TRHDE: variants seen among roughly 807,000 people sequenced by gnomAD.
The protein encoded by TRHDE is thyrotropin-releasing hormone-degrading ectoenzyme.
TRHDE carries 72 observed loss-of-function variants against 125.7 expected under a neutral mutation model. That is an observed-to-expected ratio of 0.57 (90% CI 0.47 to 0.70). The LOEUF (loss-of-function observed/expected upper bound fraction) is 0.70, where lower values mean the gene tolerates loss of function less well. TRHDE is among the 30% of genes least tolerant of loss of function. The probability of loss-of-function intolerance (pLI) is 0.00; values close to 1 mark genes in which losing one functional copy is unlikely to be tolerated. For missense variants in TRHDE, 1,110 were observed against 1,327.1 expected (o/e 0.84, Z 2.54); for synonymous variants, 509 against 509.1 (o/e 1.00, Z 0.00).
chr12:72,093,081 T>C (rs1167770496), intron 1 of TRHDE, among the ~76,000 whole-genome samples: 1 of 152,250 alleles, frequency 6.6e-6, no homozygotes, highest in African/African-American at 2.4e-5. Flanking sequence ...GATACTTTAT[T>C]GAAAATTAGA....
chr12:72,622,766 A>G (rs1231436536), intron 15 of TRHDE, among the ~76,000 whole-genome samples: 1 of 152,118 alleles, frequency 6.6e-6, no homozygotes, highest in East Asian at 1.9e-4. Flanking sequence ...ACTAGATCAA[A>G]GAGTAACTAT....
chr12:72,225,435 A>C (rs1317851055), intron 2 of TRHDE, among the ~76,000 whole-genome samples: 1 of 152,192 alleles, frequency 6.6e-6, no homozygotes, highest in Non-Finnish European at 1.5e-5. Context: ...CCAGCTATCC[A>C]GAAAGTTAGG....
intron 2 of TRHDE, among the ~76,000 whole-genome samples, chr12:72,340,340 G>A (rs555117824): frequency 6.6e-6 from 1 of 152,286 alleles, no homozygotes; most frequent in Admixed American, 6.5e-5. Context: ...TGCATAAAGT[G>A]AATGGCTGTG....
chr12:72,636,022 T>G (rs1429498462), intron 15 of TRHDE, among the ~76,000 whole-genome samples: 1 of 150,598 alleles, frequency 6.6e-6, no homozygotes, highest in Non-Finnish European at 1.5e-5. Context: ...TAAAGTAGTT[T>G]TTTCCAATTC....
At chr12:72,498,755 A>G (rs1878021331) in intron 5 of TRHDE, among the ~76,000 whole-genome samples, 1 of 152,204 alleles carries the variant, frequency 6.6e-6, no homozygotes, top group African/African-American at 2.4e-5. Context: ...CTCCAGAGCA[A>G]ATACTAATGT....
Position 72,340,803 on chromosome 12 carries a change from C to T in TRHDE, c.1189-37192C>T, listed in dbSNP as rs376185874. Among the ~76,000 whole-genome samples, 9 of 152,022 alleles carry T rather than the reference C, an allele frequency of 5.9e-5. No homozygotes were observed. In the East Asian group the frequency reaches 7.7e-4, roughly 13 times the overall value. On this transcript the variant is annotated intron_variant, in intron 2 of 18. Transcript: ENST00000261180. ...TTCCATTGGCCAGAACATGGTCACA[C>T]GGTGTAGAATGGTAAAATTGTAAGC...
chr12:72,521,459 G>A (rs992905193), intron 6 of TRHDE, among the ~76,000 whole-genome samples: 9 of 152,006 alleles, frequency 5.9e-5, no homozygotes, highest in Non-Finnish European at 1.3e-4. Flanking sequence ...AGTGTGAGTC[G>A]CAGCAATTCT....
At chr12:72,503,317 A>G (rs1878230636) in intron 6 of TRHDE, among the ~76,000 whole-genome samples, 1 of 152,188 alleles carries the variant, frequency 6.6e-6, no homozygotes, top group Non-Finnish European at 1.5e-5. Context: ...TTTCCCAGAA[A>G]ATCAGGTTCC....
At chr12:72,184,044 C>A (rs1002461491) in intron 2 of TRHDE, among the ~76,000 whole-genome samples, 2 of 152,072 alleles carry the variant, frequency 1.3e-5, no homozygotes, top group African/African-American at 4.8e-5. Context: ...CCCAAGGGTA[C>A]ATAAAATAGC....
chr12:72,543,350 T>G (rs1435737572), intron 7 of TRHDE, among the ~76,000 whole-genome samples: 1 of 151,480 alleles, frequency 6.6e-6, no homozygotes, highest in Admixed American at 6.6e-5. Flanking sequence ...GAAGAATAAT[T>G]TCCCTCAGAA....
intron 1 of TRHDE, among the ~76,000 whole-genome samples, chr12:72,102,006 T>C (rs573134002): frequency 6.6e-6 from 1 of 152,344 alleles, no homozygotes; most frequent in African/African-American, 2.4e-5. Flanking sequence ...GATTCTTTCT[T>C]TTTGCCTCTT....
At chr12:72,584,878 CTT>C (rs1871377535) in intron 12 of TRHDE, among the ~76,000 whole-genome samples, 1 of 152,286 alleles carries the variant, frequency 6.6e-6, no homozygotes, top group Non-Finnish European at 1.5e-5. Flanking sequence ...GCAGATATCT[CTT>C]TGACAGAAAC....
At chr12:72,187,731 G>C (rs1352734884) in intron 2 of TRHDE, among the ~76,000 whole-genome samples, 3 of 152,094 alleles carry the variant, frequency 2.0e-5, no homozygotes, top group African/African-American at 7.2e-5. Flanking sequence ...TGTTTTACCA[G>C]CTATCTGGGC....
At chr12:72,574,882 A>G (rs564938058) in intron 10 of TRHDE, among the ~76,000 whole-genome samples, 1 of 152,222 alleles carries the variant, frequency 6.6e-6, no homozygotes, top group Non-Finnish European at 1.5e-5. Flanking sequence ...TAGAATATGC[A>G]TCTAAAACCT....
intron 2 of TRHDE, among the ~76,000 whole-genome samples, chr12:72,134,157 C>A (rs1400061345): frequency 1.3e-5 from 2 of 152,102 alleles, no homozygotes; most frequent in African/African-American, 4.8e-5. Flanking sequence ...AGAAAAGTAA[C>A]CATAGTTTGA....
At chr12:72,241,948 A>G (rs1878490174) in intron 2 of TRHDE, among the ~76,000 whole-genome samples, 1 of 152,146 alleles carries the variant, frequency 6.6e-6, no homozygotes, top group Non-Finnish European at 1.5e-5. Flanking sequence ...TATTTGCTTT[A>G]CATATGTCCA....
rs1479314168 is a variant in TRHDE, at chr12:72,380,756, T to A, written c.1315+2635T>A. Among the ~76,000 whole-genome samples, 65 of 95,510 alleles carry A rather than the reference T, an allele frequency of 6.8e-4. 1 individual carries two copies. Among genetic ancestry groups the A allele is most frequent in the African/African-American group, 3.9e-3 (62 of 15,952 alleles). The allele number at this position is 95,510 out of a possible 152,430, so 62.7% of individuals were successfully genotyped here. A position where few individuals can be genotyped will look rare whatever the true frequency, so the allele number is the denominator to read the frequency against. On this transcript the variant is annotated intron_variant, in intron 3 of 18. Coordinates refer to ENST00000261180, the MANE Select transcript of TRHDE (RefSeq NM_013381.3). ...CTTGCTTCCTTCCTTCCTTCCTTCCTTCCTTCCTTGCTTCCTTCCTTCCTT... is the reference window on the plus strand; with the variant it reads ...CTTGCTTCCTTCCTTCCTTCCTTCCATCCTTCCTTGCTTCCTTCCTTCCTT...
intron 2 of TRHDE, among the ~76,000 whole-genome samples, chr12:72,184,372 T>G (rs556013618): frequency 1.4e-4 from 21 of 152,252 alleles, no homozygotes; most frequent in Admixed American, 3.9e-4. Context: ...GTTACTACTC[T>G]GTATCTGACC....
At chr12:72,386,719 A>G (rs1872433785) in intron 3 of TRHDE, among the ~76,000 whole-genome samples, 1 of 152,084 alleles carries the variant, frequency 6.6e-6, no homozygotes, top group South Asian at 2.1e-4. Flanking sequence ...CCTCAACACT[A>G]TACTAAAACT....
Sources: allele counts gnomAD v4.1 joint callset (sites outside exome capture counted in the v4.1 genomes callset), GRCh38; gene constraint gnomAD v4.1.1; transcripts MANE v1.5; gene names NCBI Gene and HGNC (gene_info 2026-07-23, HGNC 2026-07-21).